RYR2: variants seen among roughly 807,000 people sequenced by gnomAD.
RYR2 encodes ryanodine receptor 2, also known as cardiac muscle ryanodine receptor-calcium release channel.
RYR2 carries 227 observed loss-of-function variants against 601.1 expected under a neutral mutation model. The observed-to-expected ratio is 0.38, with a 90% CI of 0.34 to 0.42. RYR2 has a LOEUF of 0.42. Ranked by LOEUF, RYR2 falls within the 10% of genes least tolerant of loss-of-function variation. The pLI is 1.00. For missense variants in RYR2, 4,646 were observed against 6,156.5 expected (o/e 0.75, Z 8.21); for synonymous variants, 2,223 against 2,175.1 (o/e 1.02, Z -0.61).
chr1:237,626,691 A>G (rs571472465), intron 40 of RYR2, among the ~76,000 whole-genome samples: 2 of 137,528 alleles, frequency 1.5e-5, no homozygotes, highest in East Asian at 2.2e-4. Context: ...TCCCTGTCTC[A>G]GCCTCCTGAG....
chr1:237,619,331 G>A (rs552243336), intron 38 of RYR2, among the ~76,000 whole-genome samples: 1 of 152,052 alleles, frequency 6.6e-6, no homozygotes, highest in African/African-American at 2.4e-5. Context: ...AAAATATATG[G>A]CAAAGAACCA....
intron 88 of RYR2, among the ~76,000 whole-genome samples, chr1:237,780,434 T>TA: frequency 6.6e-6 from 1 of 152,344 alleles, no homozygotes; most frequent in East Asian, 1.9e-4. Context: ...AAAGTTTCCA[T>TA]AACAGCTATT....
At chr1:237,291,476 C>T (rs1238190139) in intron 2 of RYR2, among the ~76,000 whole-genome samples, 1 of 152,120 alleles carries the variant, frequency 6.6e-6, no homozygotes, top group African/African-American at 2.4e-5. Context: ...CCCACAAACA[C>T]CTGCACATAG....
rs145357805 is a variant in RYR2, at chr1:237,198,440, AT to A, written c.49-72038del. Among the ~76,000 whole-genome samples, 1,019 of 132,848 alleles carry A rather than the reference AT, an allele frequency of 7.7e-3. 7 individuals carry two copies. Among genetic ancestry groups the A allele is most frequent in the African/African-American group, 0.016 (553 of 35,644 alleles). 87.2% of individuals were successfully genotyped at this position (132,848 alleles called of 152,430 possible). A position where few individuals can be genotyped will look rare whatever the true frequency, so the allele number is the denominator to read the frequency against. Reference sequence around the variant, plus strand: ...TATGTTTGAATATAGTGTTTCCTTGATTTTTTTTTTTTTTTTTTTGGTATGG... The same window carrying A: ...TATGTTTGAATATAGTGTTTCCTTGATTTTTTTTTTTTTTTTTTGGTATGG... On this transcript the variant is annotated intron_variant, in intron 1 of 104. Transcript: ENST00000366574.
chr1:237,790,116 C>G (rs540426793), intron 92 of RYR2, among the ~76,000 whole-genome samples: 1 of 152,294 alleles, frequency 6.6e-6, no homozygotes, highest in Non-Finnish European at 1.5e-5. Flanking sequence ...ACATCTCCCA[C>G]TTAATATTAA....
intron 84 of RYR2, among the ~76,000 whole-genome samples, chr1:237,763,927 T>A (rs1266364564): frequency 6.6e-6 from 1 of 152,190 alleles, no homozygotes; most frequent in African/African-American, 2.4e-5. Context: ...CAATCATCCC[T>A]CTTGGAAGGG....
At chr1:237,377,555 A>G (rs1465691370) in intron 8 of RYR2, 120 bp downstream of exon 8, 3 of 672,292 alleles carry the variant, frequency 4.5e-6, no homozygotes, top group Non-Finnish European at 5.0e-6. Flanking sequence ...CCATTCCTCT[A>G]TCTCTATTAG....
chr1:237,223,177 G>A lies in RYR2; in HGVS notation c.49-47320G>A, dbSNP rs74424196. Among the ~76,000 whole-genome samples, 730 of 152,324 alleles carry A rather than the reference G, an allele frequency of 4.8e-3. 1 individual carries two copies. Among genetic ancestry groups the A allele is most frequent in the Non-Finnish European group, 7.0e-3 (475 of 68,036 alleles). ...GTCTTATTCCATTTTCTGATGTTAT[G>A]ACAGAATACCAAATGGAAAGAACAT... On this transcript the variant is annotated intron_variant, in intron 1 of 104. Coordinates refer to ENST00000366574, the MANE Select transcript of RYR2 (RefSeq NM_001035.3).
At chr1:237,189,736 G>A (rs1003882883) in intron 1 of RYR2, among the ~76,000 whole-genome samples, 3 of 152,162 alleles carry the variant, frequency 2.0e-5, no homozygotes, top group African/African-American at 7.2e-5. Context: ...AAAAATAAAT[G>A]TGTGTTGTGT....
At chr1:237,096,373 C>G (rs1411633167) in intron 1 of RYR2, among the ~76,000 whole-genome samples, 1 of 152,096 alleles carries the variant, frequency 6.6e-6, no homozygotes, top group East Asian at 1.9e-4. Context: ...AATTGTGAAC[C>G]TTCTCCTTTT....
At chr1:237,401,186 A>G (rs1703318092) in intron 10 of RYR2, among the ~76,000 whole-genome samples, 1 of 152,202 alleles carries the variant, frequency 6.6e-6, no homozygotes, top group African/African-American at 2.4e-5. Flanking sequence ...AATTGCCTAT[A>G]TAATTTTATA....
Position 237,743,541 on chromosome 1 carries a change from G to A in RYR2, c.11145+1192G>A, listed in dbSNP as rs1023529456. ...AGTGCACAGCATTTATAGTCTATCC[G>A]TTGTCTTCAGAGCAATTGTTTATTG... On this transcript the variant is annotated intron_variant, in intron 80 of 104. Coordinates refer to ENST00000366574, the MANE Select transcript of RYR2 (RefSeq NM_001035.3). 4 of 517,250 alleles carry A rather than the reference G, an allele frequency of 7.7e-6. No individual in the cohort carries two copies. In the Admixed American group the frequency reaches 7.8e-5, roughly 10 times the overall value. 32.0% of individuals were successfully genotyped at this position (517,250 alleles called of 1,614,324 possible).
chr1:237,785,899 C>G, intron 90 of RYR2, 70 bp from the exon 91 acceptor site: 1 of 1,071,962 alleles, frequency 9.3e-7, no homozygotes, highest in Non-Finnish European at 1.4e-6. Context: ...CACATGGTCA[C>G]ATGGCTCCCT....
At chr1:237,143,355 C>A (rs1474135590) in intron 1 of RYR2, among the ~76,000 whole-genome samples, 1 of 152,290 alleles carries the variant, frequency 6.6e-6, no homozygotes, top group East Asian at 1.9e-4. Context: ...CTCACAGGGA[C>A]TTTCTGCAAC....
At chr1:237,770,024 A>G (rs1303899297) in intron 84 of RYR2, among the ~76,000 whole-genome samples, 1 of 152,148 alleles carries the variant, frequency 6.6e-6, no homozygotes, top group Non-Finnish European at 1.5e-5. Context: ...TCCTTGCCCC[A>G]AAAATATTTG....
At chr1:237,751,644 A>G (rs1383702028) in intron 80 of RYR2, among the ~76,000 whole-genome samples, 2 of 152,218 alleles carry the variant, frequency 1.3e-5, no homozygotes, top group African/African-American at 4.8e-5. Context: ...ATCTAACGTC[A>G]AAGCCTCTAG....
At chr1:237,192,286 G>GCAACCTCCGC (rs1232432909) in intron 1 of RYR2, among the ~76,000 whole-genome samples, 1 of 152,040 alleles carries the variant, frequency 6.6e-6, no homozygotes, top group Non-Finnish European at 1.5e-5. Flanking sequence ...TTGGTTCACT[G>GCAACCTCCGC]CAACCTCCGC....
rs1297758652 is a variant in RYR2, at chr1:237,149,942, G to T, written c.48+107373G>T. ...TTCCACCCGAGATAGCTCATTAGGG[G>T]GGTTTTGTGTTATAAGATGAGTTTG... is the stretch of plus-strand genomic sequence containing the variant. On this transcript the variant is annotated intron_variant, in intron 1 of 104. Transcript: ENST00000366574. Among the ~76,000 whole-genome samples, 8 of 152,112 alleles carry T rather than the reference G, an allele frequency of 5.3e-5. No individual in the cohort carries two copies. In the South Asian group the frequency reaches 1.7e-3, roughly 32 times the overall value.
At chr1:237,594,885 G>GGTTTTTTTTGTTTTTGTTTTT (rs773047111) in intron 33 of RYR2, among the ~76,000 whole-genome samples, 4 of 79,048 alleles carry the variant, frequency 5.1e-5, no homozygotes, top group African/African-American at 2.9e-4. Context: ...AATATCACTG[G>GGTTTTTTTTGTTTTTGTTTTT]GTTTTTTTTT....
Sources: gnomAD v4.1 joint callset for allele counts (sites outside exome capture counted in the v4.1 genomes callset) on GRCh38, gnomAD v4.1.1 for gene constraint, MANE v1.5 for transcripts, NCBI Gene and HGNC (gene_info 2026-07-23, HGNC 2026-07-21) for gene names.